PTPRN2: variants seen among roughly 807,000 people sequenced by gnomAD.
PTPRN2 encodes the protein receptor-type tyrosine-protein phosphatase N2.
In PTPRN2, 74 loss-of-function variants were observed where a neutral mutation model predicts 118.8. That is an observed-to-expected ratio of 0.62 (90% CI 0.52 to 0.76). The LOEUF (loss-of-function observed/expected upper bound fraction) is 0.76. Ranked by LOEUF, PTPRN2 falls within the 30% of genes least tolerant of loss-of-function variation. PTPRN2 has a pLI of 0.00. For missense variants in PTPRN2, 1,481 were observed against 1,394.4 expected, an observed-to-expected ratio of 1.06 and a Z score of -0.99; for synonymous variants, 641 against 608.0, an observed-to-expected ratio of 1.05 and a Z score of -0.80.
chr7:158,229,858 TTG>T (rs2150819589), intron 3 of PTPRN2, among the ~76,000 whole-genome samples: 1 of 152,012 alleles, frequency 6.6e-6, no homozygotes, highest in East Asian at 1.9e-4. Context: ...TTCTCAAAAC[TTG>T]AGAAAGACAT....
intron 3 of PTPRN2, among the ~76,000 whole-genome samples, chr7:158,262,502 C>T (rs1304887088): frequency 2.4e-5 from 1 of 40,970 alleles, no homozygotes; most frequent in East Asian, 6.5e-4. Context: ...TACATGCACA[C>T]ACACTGCACA....
intron 12 of PTPRN2, among the ~76,000 whole-genome samples, chr7:157,852,343 C>G (rs1809338024): frequency 6.6e-6 from 1 of 152,162 alleles, no homozygotes; most frequent in Admixed American, 6.5e-5. Context: ...GAATGAGGTT[C>G]ACTTCCATGG....
At chr7:158,284,008 C>G (rs1174045826) in intron 3 of PTPRN2, among the ~76,000 whole-genome samples, 2 of 152,184 alleles carry the variant, frequency 1.3e-5, no homozygotes, top group African/African-American at 2.4e-5. Context: ...ACACGTTAAT[C>G]AATCACACGT....
chr7:158,467,404 G>A (rs570723427), intron 2 of PTPRN2, among the ~76,000 whole-genome samples: 259 of 152,164 alleles, frequency 1.7e-3, no homozygotes, highest in African/African-American at 5.9e-3. Context: ...CGCCCTGTAG[G>A]CTGCCTTTTC....
At chr7:158,166,903 CA>C in intron 6 of PTPRN2, 27 bp downstream of exon 6, 1 of 1,419,950 alleles carries the variant, frequency 7.0e-7, no homozygotes, top group Non-Finnish European at 9.2e-7. Flanking sequence ...AGTCAGCAAA[CA>C]AGAAACACCA....
rs1302727062 is a variant in PTPRN2, at chr7:158,517,533, T to A, written c.113-27748A>T. Among the ~76,000 whole-genome samples the A allele has an allele frequency of 6.6e-6, 1 of 151,530 alleles. No homozygotes were observed. The highest frequency in any genetic ancestry group is 1.5e-5 in the Non-Finnish European group (1 of 67,902). On this transcript the variant is annotated intron_variant, in intron 1 of 22. Transcript: ENST00000389418. The surrounding 1 kb of genome is among the most constrained non-coding windows in gnomAD (Gnocchi z 5.3). ...CCTGAGCCCCGTTCCACCTCCTCAC[T>A]GGCCTCGCTGCCCCTCTGCAATCTC...
At chr7:158,037,243 C>T (rs1365197643) in intron 11 of PTPRN2, among the ~76,000 whole-genome samples, 2 of 152,158 alleles carry the variant, frequency 1.3e-5, no homozygotes, top group African/African-American at 2.4e-5. Context: ...TCTCACTCAG[C>T]GAAGACACAT....
chr7:158,476,934 GCTGAA>G (rs1820314942), intron 2 of PTPRN2, among the ~76,000 whole-genome samples: 1 of 152,236 alleles, frequency 6.6e-6, no homozygotes, highest in Non-Finnish European at 1.5e-5. Context: ...CCCAAACTGA[GCTGAA>G]CTGATTTTAA....
chr7:158,204,461 CTA>C (rs1378667186), intron 4 of PTPRN2, among the ~76,000 whole-genome samples: 1 of 152,206 alleles, frequency 6.6e-6, no homozygotes, highest in Admixed American at 6.5e-5. Flanking sequence ...TTTCTAAAGA[CTA>C]TGACTCTAGA....
Position 157,729,812 on chromosome 7 carries a change from T to G in PTPRN2, c.1789-46875A>C, listed in dbSNP as rs567515281. Among the ~76,000 whole-genome samples, 2 of 152,212 alleles carry G rather than the reference T, an allele frequency of 1.3e-5. No individual in the cohort carries two copies. The highest frequency in any genetic ancestry group is 3.9e-4 in the East Asian group (2 of 5,160). Reference sequence around the variant, plus strand: ...CCATAAGGGCCACCTGCTGGCCACGTGGAGGACGGGGAGCGGCAGGCGGAT... The same window carrying G: ...CCATAAGGGCCACCTGCTGGCCACGGGGAGGACGGGGAGCGGCAGGCGGAT... On this transcript the variant is annotated intron_variant, in intron 12 of 22. Coordinates refer to ENST00000389418, the MANE Select transcript of PTPRN2 (RefSeq NM_002847.5). This position sits in a 1 kb window ranked among gnomAD's most constrained non-coding sequence, Gnocchi z 4.3.
intron 12 of PTPRN2, among the ~76,000 whole-genome samples, chr7:157,725,670 G>C (rs71538053): frequency 7.8e-6 from 1 of 128,762 alleles, no homozygotes; most frequent in Non-Finnish European, 1.6e-5. Flanking sequence ...ACACAGAGGA[G>C]TGAGCCAGAC....
intron 12 of PTPRN2, among the ~76,000 whole-genome samples, chr7:157,867,378 A>G (rs1810765307): frequency 7.8e-6 from 1 of 127,962 alleles, no homozygotes; most frequent in African/African-American, 3.2e-5. Flanking sequence ...CGCCCTGGAT[A>G]CACGGCCACC....
rs140264616 is a variant in PTPRN2, at chr7:158,108,909, C to T, written c.1643+1920G>A. Among the ~76,000 whole-genome samples, 511 of 152,386 alleles carry T rather than the reference C, an allele frequency of 3.4e-3. 2 individuals are homozygous for T. Among genetic ancestry groups the T allele is most frequent in the African/African-American group, 0.011 (474 of 41,598 alleles). Reference sequence around the variant, plus strand: ...GGAGCCACTGAGTGAACGAGGTCAACCTGTGTGAAGGGGCCAGTGAGTGAA... The same window carrying T: ...GGAGCCACTGAGTGAACGAGGTCAATCTGTGTGAAGGGGCCAGTGAGTGAA... On this transcript the variant is annotated intron_variant, in intron 10 of 22. Coordinates refer to ENST00000389418, the MANE Select transcript of PTPRN2 (RefSeq NM_002847.5).
At chr7:157,958,037 C>A (rs57728657) in intron 11 of PTPRN2, among the ~76,000 whole-genome samples, 1 of 152,092 alleles carries the variant, frequency 6.6e-6, no homozygotes, top group African/African-American at 2.4e-5. Context: ...CATATTAAAA[C>A]GATTGCTGTA....
Position 158,138,524 on chromosome 7 carries a change from A to G in PTPRN2, c.911-9T>C, listed in dbSNP as rs1408863987. On this transcript the variant is annotated splice_polypyrimidine_tract_variant and intron_variant, in intron 6 of 22. Coordinates refer to ENST00000389418, the MANE Select transcript of PTPRN2 (RefSeq NM_002847.5). ...GGTATGAATCCGTGCTCCTAGGGGCACACACACAAACACAAGGACGTTGTG... is the reference window on the plus strand; with the variant it reads ...GGTATGAATCCGTGCTCCTAGGGGCGCACACACAAACACAAGGACGTTGTG... The G allele has an allele frequency of 6.2e-7, 1 of 1,605,774 alleles. No individual in the cohort carries two copies. The highest frequency in any genetic ancestry group is 8.5e-7 in the Non-Finnish European group (1 of 1,177,202).
At chr7:158,542,096 A>C (rs946687926) in intron 1 of PTPRN2, among the ~76,000 whole-genome samples, 2 of 152,198 alleles carry the variant, frequency 1.3e-5, no homozygotes, top group African/African-American at 4.8e-5. Context: ...TAAAACCATG[A>C]GTTTTCTAGA....
At chr7:158,558,672 T>C (rs1586940824) in intron 1 of PTPRN2, among the ~76,000 whole-genome samples, 1 of 150,152 alleles carries the variant, frequency 6.7e-6, no homozygotes, top group African/African-American at 2.5e-5. Context: ...CTCCATAATT[T>C]GGCACAGAGA....
chr7:158,175,896 TG>T (rs1332013534), intron 5 of PTPRN2, among the ~76,000 whole-genome samples: 5 of 152,130 alleles, frequency 3.3e-5, no homozygotes, highest in Non-Finnish European at 7.4e-5. Context: ...CGTGACACCA[TG>T]AGGCCAGTGC....
intron 11 of PTPRN2, among the ~76,000 whole-genome samples, chr7:157,913,759 T>C (rs939179314): frequency 6.6e-6 from 1 of 152,254 alleles, no homozygotes; most frequent in Non-Finnish European, 1.5e-5. Context: ...ATTTGGCTTT[T>C]ACACCTATGT....
Sources: gnomAD v4.1 joint callset for allele counts (sites outside exome capture counted in the v4.1 genomes callset) on GRCh38, gnomAD v4.1.1 for gene constraint, Gnocchi (gnomAD v3.1) non-coding constraint, MANE v1.5 for transcripts, NCBI Gene and HGNC (gene_info 2026-07-23, HGNC 2026-07-21) for gene names.